OPCML: variants seen among roughly 807,000 people sequenced by gnomAD.
OPCML encodes opioid binding protein/cell adhesion molecule like.
OPCML carries 13 observed loss-of-function variants against 37.8 expected under a neutral mutation model. The ratio of observed to expected loss-of-function variants is 0.34; its 90% CI spans 0.22 to 0.55. The LOEUF (loss-of-function observed/expected upper bound fraction) is 0.55, where lower values mean the gene tolerates loss of function less well. OPCML is among the 20% of genes least tolerant of loss of function. The pLI, the probability that OPCML is intolerant of heterozygous loss-of-function variation, is 0.91. For missense variants in OPCML, 341 were observed against 435.6 expected (o/e 0.78, Z 1.93); for synonymous variants, 176 against 168.8 (o/e 1.04, Z -0.33).
chr11:133,501,003 C>G (rs1485721341), intron 1 of OPCML, among the ~76,000 whole-genome samples: 1 of 152,158 alleles, frequency 6.6e-6, no homozygotes, highest in South Asian at 2.1e-4. Flanking sequence ...GGAGCTGAGA[C>G]AGTCCTAGCA....
chr11:132,604,770 A>G (rs1172056752), intron 3 of OPCML, among the ~76,000 whole-genome samples: 2 of 152,194 alleles, frequency 1.3e-5, no homozygotes, highest in Non-Finnish European at 2.9e-5. Flanking sequence ...CTTTTTAATT[A>G]ATATGAATGT....
chr11:132,933,573 T>C (rs115994806), intron 2 of OPCML, among the ~76,000 whole-genome samples: 3,119 of 151,834 alleles, frequency 0.021, 109 homozygotes, highest in African/African-American at 0.072. Flanking sequence ...AAGGGAGATG[T>C]GTGTGTGTGC....
At chr11:132,706,490 C>T (rs192381463) in intron 2 of OPCML, among the ~76,000 whole-genome samples, 1 of 152,266 alleles carries the variant, frequency 6.6e-6, no homozygotes, top group African/African-American at 2.4e-5. Context: ...ACTTCCTTGC[C>T]TTCTTCCTAG....
chr11:132,804,520 C>T (rs1218815959), intron 2 of OPCML, among the ~76,000 whole-genome samples: 5 of 152,158 alleles, frequency 3.3e-5, no homozygotes, highest in East Asian at 1.9e-4. Context: ...CTACTAAATG[C>T]ACTGCTGGGG....
At chr11:133,219,568 C>T (rs1021053446) in intron 1 of OPCML, among the ~76,000 whole-genome samples, 7 of 152,126 alleles carry the variant, frequency 4.6e-5, no homozygotes, top group African/African-American at 1.2e-4. Flanking sequence ...TAATCCATCC[C>T]CTGGGTCCCA....
intron 1 of OPCML, among the ~76,000 whole-genome samples, chr11:133,125,823 TACACATGTATATATAG>T (rs1565459859): frequency 2.1e-5 from 3 of 146,196 alleles, no homozygotes; most frequent in African/African-American, 7.5e-5. Flanking sequence ...ATATAGTATA[TACACATGTATATATAG>T]ACACATGTAT....
chr11:132,447,790 G>A (rs2096059300), intron 4 of OPCML, among the ~76,000 whole-genome samples: 1 of 152,230 alleles, frequency 6.6e-6, no homozygotes. Flanking sequence ...CTTCTTAAGA[G>A]AGGCAGTGGC....
chr11:132,718,017 C>T (rs1209366495), intron 2 of OPCML, among the ~76,000 whole-genome samples: 2 of 152,216 alleles, frequency 1.3e-5, no homozygotes, highest in African/African-American at 4.8e-5. Flanking sequence ...CCTTTCCACA[C>T]CATCGTCAAG....
At chr11:132,589,602 G>A (rs1057415041) in intron 3 of OPCML, among the ~76,000 whole-genome samples, 4 of 152,176 alleles carry the variant, frequency 2.6e-5, no homozygotes, top group Non-Finnish European at 5.9e-5. Flanking sequence ...TCTCTGAGGA[G>A]GTAACATTTA....
At chr11:132,446,130 T>TTTTTTTTTTTGG (rs2096054346) in intron 4 of OPCML, among the ~76,000 whole-genome samples, 1 of 145,812 alleles carries the variant, frequency 6.9e-6, no homozygotes, top group African/African-American at 2.6e-5. Flanking sequence ...TTTTTTTTTT[T>TTTTTTTTTTTGG]GAGATGGGTT....
chr11:133,039,335 G>T (rs1478557761), intron 1 of OPCML, among the ~76,000 whole-genome samples: 1 of 152,102 alleles, frequency 6.6e-6, no homozygotes, highest in African/African-American at 2.4e-5. Context: ...TCTCAGGAGG[G>T]GCACAGGGAA....
chr11:132,553,346 T>C (rs2096386798), intron 3 of OPCML, among the ~76,000 whole-genome samples: 2 of 152,242 alleles, frequency 1.3e-5, no homozygotes, highest in Admixed American at 6.5e-5. Context: ...TAGGCATGGC[T>C]GTTTGCCTTT....
At chr11:133,167,633 A>G (rs1222143206) in intron 1 of OPCML, among the ~76,000 whole-genome samples, 1 of 150,912 alleles carries the variant, frequency 6.6e-6, no homozygotes, top group Non-Finnish European at 1.5e-5. Flanking sequence ...TGCCCTGGCT[A>G]CCTCTTTCTG....
intron 4 of OPCML, among the ~76,000 whole-genome samples, chr11:132,494,288 G>A (rs779171474): frequency 1.1e-4 from 17 of 152,164 alleles, no homozygotes; most frequent in South Asian, 2.1e-4. Context: ...ATAAAACTGC[G>A]TAACAATTAC....
At chr11:133,427,680 T>C (rs1592286978) in intron 1 of OPCML, among the ~76,000 whole-genome samples, 1 of 151,888 alleles carries the variant, frequency 6.6e-6, no homozygotes, top group East Asian at 1.9e-4. Flanking sequence ...GAAAATTAAA[T>C]AGAAATAGGC....
intron 3 of OPCML, among the ~76,000 whole-genome samples, chr11:132,539,017 T>C (rs902709560): frequency 1.3e-5 from 2 of 152,232 alleles, no homozygotes; most frequent in Admixed American, 1.3e-4. Context: ...TGACAACATA[T>C]GTATAACGAT....
At chr11:132,908,071 A>G (rs1944304722) in intron 2 of OPCML, among the ~76,000 whole-genome samples, 2 of 152,214 alleles carry the variant, frequency 1.3e-5, no homozygotes, top group Admixed American at 6.5e-5. Context: ...AAAGAAGTTG[A>G]TGGTCACCAT....
At chr11:132,523,005 C>T (rs764777363) in intron 4 of OPCML, among the ~76,000 whole-genome samples, 9 of 152,186 alleles carry the variant, frequency 5.9e-5, no homozygotes, top group Non-Finnish European at 1.2e-4. Flanking sequence ...GGCCTGATCT[C>T]GGCTCACTGC....
At chr11:132,538,732 C>A (rs2096347543) in intron 3 of OPCML, among the ~76,000 whole-genome samples, 2 of 152,134 alleles carry the variant, frequency 1.3e-5, no homozygotes, top group Middle Eastern at 3.2e-3. Context: ...CTGCTTAACT[C>A]CCCATTTCTC....
Sources: allele counts gnomAD v4.1 joint callset (sites outside exome capture counted in the v4.1 genomes callset), GRCh38; gene constraint gnomAD v4.1.1; transcripts MANE v1.5; gene names NCBI Gene and HGNC (gene_info 2026-07-23, HGNC 2026-07-21).